The following MAGI1 variants were observed in gnomAD, a reference collection of about 807,000 sequenced individuals.
The protein encoded by MAGI1 is membrane associated guanylate kinase, WW and PDZ domain containing 1, also known as membrane-associated guanylate kinase, WW and PDZ domain-containing protein 1.
Under a neutral mutation model 139.9 loss-of-function variants are expected in MAGI1, and 58 were observed. That is an observed-to-expected ratio of 0.41 (90% CI 0.34 to 0.52). The LOEUF (loss-of-function observed/expected upper bound fraction) is 0.52. Ranked by LOEUF, MAGI1 falls within the 20% of genes least tolerant of loss-of-function variation. MAGI1 has a pLI of 0.12. For synonymous variants in MAGI1, 812 were observed against 737.9 expected, an observed-to-expected ratio of 1.10 and a Z score of -1.63; for missense variants, 1,874 against 1,901.6, an observed-to-expected ratio of 0.99 and a Z score of 0.27.
At chr3:65,607,941 G>C (rs540392291) in intron 2 of MAGI1, among the ~76,000 whole-genome samples, 2 of 152,108 alleles carry the variant, frequency 1.3e-5, no homozygotes, top group Non-Finnish European at 2.9e-5. Flanking sequence ...CCTAATTTAA[G>C]AATAGGTTTA....
rs150936416 is a variant in MAGI1, at chr3:65,365,244, C to T, written c.3197-298G>A. Reference sequence around the variant, plus strand: ...TTCTAGCCAAGGTATATGTTTCTCACTCCTCCCCTGCCACTGAAAAAAGGC... The same window carrying T: ...TTCTAGCCAAGGTATATGTTTCTCATTCCTCCCCTGCCACTGAAAAAAGGC... On this transcript the variant is annotated intron_variant, in intron 18 of 22. Transcript: ENST00000402939. 637 of 570,210 alleles carry T rather than the reference C, an allele frequency of 1.1e-3. 4 individuals carry two copies. Among genetic ancestry groups the T allele is most frequent in the African/African-American group, 0.01 (559 of 54,250 alleles). The allele number at this position is 570,210 out of a possible 1,614,324, so 35.3% of individuals were successfully genotyped here.
At chr3:65,509,612 G>A (rs571615586) in intron 2 of MAGI1, among the ~76,000 whole-genome samples, 2 of 152,292 alleles carry the variant, frequency 1.3e-5, no homozygotes, top group Non-Finnish European at 2.9e-5. Flanking sequence ...TAAAAAAGGC[G>A]AACCACGAGA....
chr3:65,440,571 T>C (rs1948214429), intron 8 of MAGI1, among the ~76,000 whole-genome samples: 1 of 152,116 alleles, frequency 6.6e-6, no homozygotes, highest in South Asian at 2.1e-4. Context: ...CTGTCTGCAG[T>C]AGGGTTCACA....
intron 1 of MAGI1, among the ~76,000 whole-genome samples, chr3:65,687,056 G>C (rs539049830): frequency 6.6e-6 from 1 of 152,162 alleles, no homozygotes; most frequent in African/African-American, 2.4e-5. Flanking sequence ...TACTCAAAAC[G>C]TGGTCACGGA....
chr3:65,833,340 A>G (rs2042631568), intron 1 of MAGI1, among the ~76,000 whole-genome samples: 1 of 152,066 alleles, frequency 6.6e-6, no homozygotes, highest in South Asian at 2.1e-4. Flanking sequence ...GCTGGTTTCA[A>G]ACTCCTGACC....
At chr3:65,577,014 T>C (rs959918136) in intron 2 of MAGI1, among the ~76,000 whole-genome samples, 3 of 152,208 alleles carry the variant, frequency 2.0e-5, no homozygotes, top group Non-Finnish European at 4.4e-5. Flanking sequence ...AGTAAATATG[T>C]AAGTAGTCTT....
intron 1 of MAGI1, among the ~76,000 whole-genome samples, chr3:66,007,733 A>G (rs886736536): frequency 6.6e-6 from 1 of 152,228 alleles, no homozygotes; most frequent in African/African-American, 2.4e-5. Context: ...AACAAGGAAC[A>G]TAGCTCATAA....
intron 1 of MAGI1, among the ~76,000 whole-genome samples, chr3:65,771,824 T>A (rs1358820619): frequency 6.6e-6 from 1 of 152,214 alleles, no homozygotes; most frequent in Non-Finnish European, 1.5e-5. Context: ...CAGGGACTAG[T>A]TGGAGTCTGA....
intron 17 of MAGI1, among the ~76,000 whole-genome samples, chr3:65,378,107 C>CT (rs1412460472): frequency 6.6e-6 from 1 of 152,164 alleles, no homozygotes; most frequent in Non-Finnish European, 1.5e-5. Context: ...TAACAAATGA[C>CT]TTTTTACCCA....
intron 13 of MAGI1, among the ~76,000 whole-genome samples, chr3:65,401,207 T>A (rs1375405060): frequency 6.6e-6 from 1 of 152,198 alleles, no homozygotes; most frequent in African/African-American, 2.4e-5. Flanking sequence ...GCATTCTTTA[T>A]CCTGGCTCCT....
chr3:65,990,012 T>C (rs1387610810), intron 1 of MAGI1, among the ~76,000 whole-genome samples: 1 of 152,064 alleles, frequency 6.6e-6, no homozygotes, highest in Admixed American at 6.6e-5. Flanking sequence ...TACACAGATA[T>C]GAAGAAATTA....
intron 1 of MAGI1, among the ~76,000 whole-genome samples, chr3:65,867,173 C>T (rs568239358): frequency 6.6e-6 from 1 of 152,264 alleles, no homozygotes; most frequent in Admixed American, 6.5e-5. Context: ...TAGAAAGTTA[C>T]CAGGCCCAGA....
chr3:65,512,149 C>G (rs374210690), intron 2 of MAGI1, among the ~76,000 whole-genome samples: 9,937 of 91,130 alleles, frequency 0.11, 691 homozygotes, highest in Non-Finnish European at 0.17. Flanking sequence ...GGGACGCATT[C>G]AAAGCAGTGT....
rs369173797 is a variant in MAGI1, at chr3:65,976,629, TCAAA to T, written c.313+61363_313+61366del. Among the ~76,000 whole-genome samples, 88 of 152,250 alleles carry T rather than the reference TCAAA, an allele frequency of 5.8e-4. No homozygotes were observed. The East Asian group carries it at 9.5e-3, about 16-fold the overall frequency. On this transcript the variant is annotated intron_variant, in intron 1 of 22. Coordinates refer to ENST00000402939, the MANE Select transcript of MAGI1 (RefSeq NM_001033057.2). The stretch of plus-strand genomic sequence containing the variant: ...CTGGGTGACAGACTGGGACTCTGTC[TCAAA>T]CAAACAAAAAAAAGACCTTTCTCAC...
intron 1 of MAGI1, among the ~76,000 whole-genome samples, chr3:66,015,830 C>T (rs1204574670): frequency 6.6e-6 from 1 of 152,182 alleles, no homozygotes; most frequent in Non-Finnish European, 1.5e-5. Flanking sequence ...TCTATCTGTA[C>T]ATCAATCATT....
Position 65,379,866 on chromosome 3 carries a change from G to A in MAGI1, c.2702-312C>T, listed in dbSNP as rs12637820. Among the ~76,000 whole-genome samples the A allele has an allele frequency of 2.0e-5, 3 of 152,364 alleles. No individual in the cohort carries two copies. In the East Asian group the frequency reaches 5.8e-4, roughly 29 times the overall value. On this transcript the variant is annotated intron_variant, in intron 16 of 22. Coordinates refer to ENST00000402939, the MANE Select transcript of MAGI1 (RefSeq NM_001033057.2). ...AAGTCTGCAGCAAGATCGGCCTGCTGTGAAATATTTCCCCATTGCACAAAG... is the reference window on the plus strand; with the variant it reads ...AAGTCTGCAGCAAGATCGGCCTGCTATGAAATATTTCCCCATTGCACAAAG...
At chr3:65,886,467 C>G (rs952991453) in intron 1 of MAGI1, among the ~76,000 whole-genome samples, 12 of 152,216 alleles carry the variant, frequency 7.9e-5, no homozygotes, top group African/African-American at 2.9e-4. Flanking sequence ...TCCCCTTCCT[C>G]CAAACTCTCA....
At chr3:65,592,002 G>A (rs962477356) in intron 2 of MAGI1, among the ~76,000 whole-genome samples, 3 of 152,026 alleles carry the variant, frequency 2.0e-5, no homozygotes, top group Non-Finnish European at 2.9e-5. Context: ...TCTAATATAC[G>A]AAATGATTCA....
chr3:65,987,860 C>T (rs931848308), intron 1 of MAGI1, among the ~76,000 whole-genome samples: 6 of 152,218 alleles, frequency 3.9e-5, no homozygotes, highest in Admixed American at 3.9e-4. Flanking sequence ...TGAGCCACTG[C>T]TCCCGACTAC....
Sources: allele counts gnomAD v4.1 joint callset (sites outside exome capture counted in the v4.1 genomes callset), GRCh38; gene constraint gnomAD v4.1.1; transcripts MANE v1.5; gene names NCBI Gene and HGNC (gene_info 2026-07-23, HGNC 2026-07-21).